Variants in DPP6 observed in about 807,000 individuals in gnomAD.
The protein encoded by DPP6 is dipeptidyl peptidase like 6.
A neutral mutation model predicts 122.6 loss-of-function variants in DPP6; 69 were observed. The observed-to-expected ratio is 0.56, with a 90% CI of 0.46 to 0.69. The LOEUF is 0.69. DPP6 is among the 30% of genes least tolerant of loss of function. The pLI is 0.00. For missense variants in DPP6, 928 were observed against 1,116.9 expected, an observed-to-expected ratio of 0.83 and a Z score of 2.41; for synonymous variants, 418 against 433.1, an observed-to-expected ratio of 0.97 and a Z score of 0.43.
chr7:154,714,279 C>T (rs564797355), intron 7 of DPP6, among the ~76,000 whole-genome samples: 4 of 152,310 alleles, frequency 2.6e-5, no homozygotes, highest in Admixed American at 2.0e-4. Context: ...CCCTTCAACC[C>T]GTTCCAACCT....
intron 3 of DPP6, among the ~76,000 whole-genome samples, chr7:154,499,825 A>G (rs1240983564): frequency 6.6e-6 from 1 of 152,124 alleles, no homozygotes. Flanking sequence ...CCTAAAGACA[A>G]CCAGGTTTCA....
chr7:154,107,463 C>T (rs186842240), intron 1 of DPP6, among the ~76,000 whole-genome samples: 3,881 of 152,188 alleles, frequency 0.026, 84 homozygotes, highest in Non-Finnish European at 0.035. Flanking sequence ...TATAAAATTT[C>T]ATTGGACAGG....
At chr7:154,218,896 A>G (rs1269630686) in intron 1 of DPP6, among the ~76,000 whole-genome samples, 1 of 152,244 alleles carries the variant, frequency 6.6e-6, no homozygotes, top group Non-Finnish European at 1.5e-5. Context: ...AGGATAGTCA[A>G]AAAAGCTAGT....
intron 1 of DPP6, among the ~76,000 whole-genome samples, chr7:153,968,254 G>A (rs1461202496): frequency 6.6e-6 from 1 of 150,530 alleles, no homozygotes; most frequent in East Asian, 1.9e-4. Context: ...GTATCTCATT[G>A]TGCATGAGAC....
intron 1 of DPP6, among the ~76,000 whole-genome samples, chr7:154,070,662 AT>A (rs1389594180): frequency 2.6e-5 from 4 of 152,196 alleles, no homozygotes; most frequent in African/African-American, 4.8e-5. Context: ...CTTCATTAAA[AT>A]CCACTGTAAA....
intron 16 of DPP6, among the ~76,000 whole-genome samples, chr7:154,832,253 G>A (rs187604466): frequency 6.6e-6 from 1 of 152,280 alleles, no homozygotes; most frequent in African/African-American, 2.4e-5. Flanking sequence ...TACTCAGGAG[G>A]ACTGTCCTTC....
Position 154,273,850 on chromosome 7 carries a change from A to G in DPP6, c.244-172364A>G, listed in dbSNP as rs191204470. ...TAGGAGAAAAATTGGACTCCAAGTG[A>G]AACAATGCTAGGCGTCTCACTATAA... On this transcript the variant is annotated intron_variant, in intron 1 of 25. Transcript: ENST00000377770. Among the ~76,000 whole-genome samples the G allele has an allele frequency of 5.1e-4, 77 of 152,380 alleles. 1 individual carries two copies. The East Asian group carries it at 0.014, about 28-fold the overall frequency.
At chr7:154,678,398 C>G (rs1432074920) in intron 7 of DPP6, among the ~76,000 whole-genome samples, 1 of 152,188 alleles carries the variant, frequency 6.6e-6, no homozygotes, top group African/African-American at 2.4e-5. Flanking sequence ...GTCAGTGAGA[C>G]CACAAACCCA....
At chr7:153,822,164 T>C in the DPP6 span, among the ~76,000 whole-genome samples, 1 of 136,022 alleles carries the variant, frequency 7.4e-6, no homozygotes, top group Admixed American at 7.8e-5. Context: ...CAGTGAAAAA[T>C]AGGAAAGGGG....
intron 1 of DPP6, among the ~76,000 whole-genome samples, chr7:154,067,915 TTTG>T (rs1563165436): frequency 7.3e-6 from 1 of 137,128 alleles, no homozygotes; most frequent in African/African-American, 3.3e-5. Context: ...TTGTTTTTTT[TTTG>T]TTTGTTTGTT....
At chr7:154,812,014 A>G (rs1413808530) in intron 16 of DPP6, among the ~76,000 whole-genome samples, 1 of 152,216 alleles carries the variant, frequency 6.6e-6, no homozygotes, top group Non-Finnish European at 1.5e-5. Context: ...ATCTGTAAAC[A>G]TGCCCACATT....
chr7:154,454,633 G>T (rs1202911425), intron 2 of DPP6, among the ~76,000 whole-genome samples: 3 of 152,088 alleles, frequency 2.0e-5, no homozygotes, highest in Non-Finnish European at 4.4e-5. Context: ...GAGAAGGAAA[G>T]GGATGGTAGC....
chr7:154,638,135 C>T (rs2130030), intron 6 of DPP6, among the ~76,000 whole-genome samples: 8,155 of 152,210 alleles, frequency 0.054, 700 homozygotes, highest in African/African-American at 0.18. Context: ...CTGGTTCCTG[C>T]AGTTGACCCT....
chr7:153,953,922 G>A (rs2129023255), intron 1 of DPP6, among the ~76,000 whole-genome samples: 1 of 152,298 alleles, frequency 6.6e-6, no homozygotes, highest in East Asian at 1.9e-4. Context: ...GGGAAATGCA[G>A]GCAGGTCTTC....
At chr7:154,352,577 A>G (rs1810956770) in intron 1 of DPP6, among the ~76,000 whole-genome samples, 1 of 152,160 alleles carries the variant, frequency 6.6e-6, no homozygotes, top group Admixed American at 6.5e-5. Flanking sequence ...AAACAGGAAC[A>G]GAAAACCAAA....
intron 16 of DPP6, among the ~76,000 whole-genome samples, chr7:154,822,676 C>T (rs1224103584): frequency 2.6e-5 from 4 of 152,164 alleles, no homozygotes; most frequent in African/African-American, 9.7e-5. Flanking sequence ...CCCCCCGCCC[C>T]CAACGACTTC....
At chr7:153,991,074 A>C (rs1297361608) in intron 1 of DPP6, among the ~76,000 whole-genome samples, 2 of 152,200 alleles carry the variant, frequency 1.3e-5, no homozygotes, top group African/African-American at 4.8e-5. Flanking sequence ...AGGTGTTTGG[A>C]AGCAAATGCC....
At chr7:154,811,937 CA>C (rs995804443) in intron 16 of DPP6, among the ~76,000 whole-genome samples, 2 of 152,060 alleles carry the variant, frequency 1.3e-5, no homozygotes, top group Admixed American at 1.3e-4. Flanking sequence ...CAACCAGAAC[CA>C]AAAAAATCCT....
chr7:154,708,198 A>G (rs1405544038), intron 7 of DPP6, among the ~76,000 whole-genome samples: 2 of 152,244 alleles, frequency 1.3e-5, no homozygotes, highest in Non-Finnish European at 2.9e-5. Context: ...ACGTGTATAC[A>G]TACATATGTT....
Sources: allele counts gnomAD v4.1 joint callset (sites outside exome capture counted in the v4.1 genomes callset), GRCh38; gene constraint gnomAD v4.1.1; transcripts MANE v1.5; gene names NCBI Gene and HGNC (gene_info 2026-07-23, HGNC 2026-07-21).